YTHDF3: variants seen among roughly 807,000 people sequenced by gnomAD.
The protein encoded by YTHDF3 is YTH N6-methyladenosine RNA binding protein F3.
A neutral mutation model predicts 52.5 loss-of-function variants in YTHDF3; 9 were observed. That is an observed-to-expected ratio of 0.17 (90% CI 0.10 to 0.30). The LOEUF is 0.30. Among genes scored for constraint, YTHDF3 ranks in the 10% least tolerant of loss-of-function variants. The pLI is 1.00. For missense variants in YTHDF3, 534 were observed against 715.0 expected, an observed-to-expected ratio of 0.75 and a Z score of 2.89; for synonymous variants, 274 against 243.3, an observed-to-expected ratio of 1.13 and a Z score of -1.18.
chr8:63,187,167 C>G lies in YTHDF3; in HGVS notation c.1156C>G (p.Pro386Ala). Residue 386 changes from proline to alanine, a missense_variant, in exon 4 of 5, where the codon CCT (proline) becomes GCT (alanine). Pro to Ala is a conservative substitution (Grantham distance 27). This residue lies in a region of YTHDF3 where 203 missense variants were observed against 201.3 expected (regional missense o/e 1.01). Transcript: ENST00000539294. Reference protein sequence around the residue: ...GLGVVPVSASPSSVEVHPVLE... With the variant: ...GLGVVPVSASASSVEVHPVLE... ...AGGTGTTGTACCTGTCAGTGCTTCA[C>G]CTTCTAGTGTAGAAGTGCATCCCGT... is the stretch of plus-strand genomic sequence containing the variant. 6.2e-7 allele frequency: 1 copy of G among 1,613,982 alleles called. No individual in the cohort carries two copies. The highest frequency in any genetic ancestry group is 8.5e-7 in the Non-Finnish European group (1 of 1,179,884).
At chr8:63,189,215 A>G (rs556623652) in intron 4 of YTHDF3, among the ~76,000 whole-genome samples, 6 of 152,210 alleles carry the variant, frequency 3.9e-5, no homozygotes, top group South Asian at 4.1e-4. Flanking sequence ...TTATTTTTTA[A>G]AAATATCCTA....
intron 4 of YTHDF3, among the ~76,000 whole-genome samples, chr8:63,190,646 A>G (rs1808855582): frequency 6.6e-6 from 1 of 152,166 alleles, no homozygotes; most frequent in African/African-American, 2.4e-5. Context: ...GGCTGAATCA[A>G]ATGTAGCCAA....
intron 3 of YTHDF3, among the ~76,000 whole-genome samples, chr8:63,175,984 A>G (rs987700217): frequency 5.9e-5 from 9 of 152,230 alleles, no homozygotes; most frequent in Non-Finnish European, 1.2e-4. Flanking sequence ...TATTGTAGAC[A>G]TGGACAGTTT....
chr8:63,205,257 T>C (rs1364083854), intron 4 of YTHDF3, among the ~76,000 whole-genome samples: 1 of 152,162 alleles, frequency 6.6e-6, no homozygotes, highest in Non-Finnish European at 1.5e-5. Context: ...TTAGTCCTTC[T>C]CCGGGTGTAT....
In YTHDF3 at chr8:63,168,893, G is replaced by C; in HGVS notation, c.16G>C (p.Val6Leu). The C allele has an allele frequency of 6.4e-7, 1 of 1,553,444 alleles. No homozygotes were observed. The highest frequency in any genetic ancestry group is 8.7e-7 in the Non-Finnish European group (1 of 1,148,372). MSATS[V>L]DQRPKGQGNK... ...GCGGTGAAGAATGTCAGCCACTAGC[G>C]TGGATCAGGTGAGGGAGCAGAGGCC... The change falls in exon 1 of 5, where the codon GTG (valine) becomes CTG (leucine). Residue 6 changes from valine to leucine, a missense_variant. Coordinates refer to ENST00000539294, the MANE Select transcript of YTHDF3 (RefSeq NM_152758.6).
chr8:63,203,143 T>G (rs1313897921), intron 4 of YTHDF3, among the ~76,000 whole-genome samples: 1 of 151,486 alleles, frequency 6.6e-6, no homozygotes, highest in African/African-American at 2.4e-5. Context: ...TCGAGAGGCT[T>G]GAGGCACGAG....
intron 1 of YTHDF3, 39 bp downstream of exon 1, chr8:63,168,940 G>A (rs988247276): frequency 6.5e-7 from 1 of 1,546,548 alleles, no homozygotes; most frequent in Non-Finnish European, 8.7e-7. Flanking sequence ...GAAGGCCCGA[G>A]CCCCGGAGCT....
chr8:63,201,623 G>T (rs1290885137), intron 4 of YTHDF3, among the ~76,000 whole-genome samples: 1 of 152,074 alleles, frequency 6.6e-6, no homozygotes, highest in Non-Finnish European at 1.5e-5. Context: ...ACTGTTGGTG[G>T]CAGAAAGTTC....
In YTHDF3 at chr8:63,179,854, C is replaced by T. The variant is rs1305935521; in HGVS notation, c.135+4438C>T. On this transcript the variant is annotated intron_variant, in intron 3 of 4. Coordinates refer to ENST00000539294, the MANE Select transcript of YTHDF3 (RefSeq NM_152758.6). ...CGGCTGGCCGGGTGGGGGGCTGACC[C>T]TCCCACCTCCCCCCGGATGGGGCGG... Among the ~76,000 whole-genome samples the T allele has an allele frequency of 2.7e-5, 4 of 150,282 alleles. No homozygotes were observed. The East Asian group carries it at 6.1e-4, about 23-fold the overall frequency.
Position 63,185,057 on chromosome 8 carries a change from T to C in YTHDF3, c.136-1090T>C, listed in dbSNP as rs144154006. ...GATTGCTTGAGCCTCAGGAAGTGGA[T>C]GTTGCAGTGAGCCAAGATAGCGCTG... is the stretch of plus-strand genomic sequence containing the variant. On this transcript the variant is annotated intron_variant, in intron 3 of 4. Coordinates refer to ENST00000539294, the MANE Select transcript of YTHDF3 (RefSeq NM_152758.6). Among the ~76,000 whole-genome samples, 5 of 152,216 alleles carry C rather than the reference T, an allele frequency of 3.3e-5. No homozygotes were observed. In the East Asian group the frequency reaches 9.7e-4, roughly 29 times the overall value.
At chr8:63,204,989 A>G (rs1333740393) in intron 4 of YTHDF3, among the ~76,000 whole-genome samples, 1 of 152,176 alleles carries the variant, frequency 6.6e-6, no homozygotes, top group Non-Finnish European at 1.5e-5. Context: ...AGCCTGTTTC[A>G]TAGTTTGAAG....
intron 2 of YTHDF3, among the ~76,000 whole-genome samples, chr8:63,174,142 C>T (rs1023638280): frequency 2.6e-5 from 4 of 152,182 alleles, no homozygotes; most frequent in African/African-American, 4.8e-5. Flanking sequence ...AAACCCGTCA[C>T]CCTCCTAACT....
Position 63,186,243 on chromosome 8 carries a change from A to G in YTHDF3, c.232A>G (p.Thr78Ala). The change falls in exon 4 of 5, where the codon ACA becomes GCA. Residue 78 changes from threonine to alanine, a missense_variant. Coordinates refer to ENST00000539294, the MANE Select transcript of YTHDF3 (RefSeq NM_152758.6). ...PYSLGEAAWS[T>A]AGDQPMPYLT... ...TTCTCTTGGGGAAGCAGCGTGGTCCACAGCTGGAGACCAGCCTATGCCATA... is the reference window on the plus strand; with the variant it reads ...TTCTCTTGGGGAAGCAGCGTGGTCCGCAGCTGGAGACCAGCCTATGCCATA... The G allele has an allele frequency of 4.3e-6, 7 of 1,614,056 alleles. No individual in the cohort carries two copies. The highest frequency in any genetic ancestry group is 5.9e-6 in the Non-Finnish European group (7 of 1,179,900).
intron 4 of YTHDF3, among the ~76,000 whole-genome samples, chr8:63,205,142 A>G (rs989285269): frequency 6.6e-6 from 1 of 152,046 alleles, no homozygotes; most frequent in African/African-American, 2.4e-5. Flanking sequence ...TGCTTAGTTC[A>G]CGGTGGGGAA....
rs998952291 is a variant in YTHDF3 at position 63,211,703 on chromosome 8, A to T, written c.*1997A>T. 4.6e-5 allele frequency: 7 copies of T among 152,528 alleles called. No homozygotes were observed. The highest frequency in any genetic ancestry group is 7.2e-5 in the African/African-American group (3 of 41,414). 9.4% of individuals were successfully genotyped at this position (152,528 alleles called of 1,614,324 possible). A position where few individuals can be genotyped will look rare whatever the true frequency, so the allele number is the denominator to read the frequency against. On this transcript the variant is annotated 3_prime_UTR_variant, in exon 5 of 5. Coordinates refer to ENST00000539294, the MANE Select transcript of YTHDF3 (RefSeq NM_152758.6). ...TTAATTTACATTAGGTTTTTATGTAAGAGTGTCATGGAAGCACTCAGCAAG... is the reference window on the plus strand; with the variant it reads ...TTAATTTACATTAGGTTTTTATGTATGAGTGTCATGGAAGCACTCAGCAAG...
chr8:63,203,800 T>TTGTAAGA (rs1355650541), intron 4 of YTHDF3, among the ~76,000 whole-genome samples: 1 of 152,250 alleles, frequency 6.6e-6, no homozygotes, highest in Non-Finnish European at 1.5e-5. Context: ...GTCAGGTATT[T>TTGTAAGA]TGTAAGATAT....
chr8:63,192,079 CAGTT>C (rs1376481920), intron 4 of YTHDF3, among the ~76,000 whole-genome samples: 6 of 152,178 alleles, frequency 3.9e-5, no homozygotes, highest in Non-Finnish European at 7.3e-5. Context: ...ACCACCCTAT[CAGTT>C]AGGATACAGA....
intron 2 of YTHDF3, among the ~76,000 whole-genome samples, chr8:63,172,268 G>T (rs373663492): frequency 6.6e-6 from 1 of 152,078 alleles, no homozygotes; most frequent in African/African-American, 2.4e-5. Context: ...TTATTTGGGA[G>T]TACTATGGTT....
intron 4 of YTHDF3, among the ~76,000 whole-genome samples, chr8:63,190,789 A>G (rs1333844243): frequency 2.0e-5 from 3 of 152,116 alleles, no homozygotes; most frequent in Non-Finnish European, 4.4e-5. Flanking sequence ...GTCAGAGCCT[A>G]CTCTGGCTGG....
Sources: allele counts gnomAD v4.1 joint callset (sites outside exome capture counted in the v4.1 genomes callset), GRCh38; gene constraint gnomAD v4.1.1; regional missense constraint gnomAD v4.1.1; transcripts MANE v1.5; gene names NCBI Gene and HGNC (gene_info 2026-07-23, HGNC 2026-07-21).